BCL2L1: variants seen among roughly 807,000 people sequenced by gnomAD.
BCL2L1 encodes the protein bcl-2-like protein 1.
A neutral mutation model predicts 18.7 loss-of-function variants in BCL2L1; 1 was observed. The observed-to-expected ratio is 0.05, with a 90% CI of 0.02 to 0.25. The LOEUF is 0.25. Ranked by LOEUF, BCL2L1 falls within the 10% of genes least tolerant of loss-of-function variation. BCL2L1 has a pLI of 1.00. For missense variants in BCL2L1, 207 were observed against 304.9 expected, an observed-to-expected ratio of 0.68 and a Z score of 2.39; for synonymous variants, 103 against 122.7, an observed-to-expected ratio of 0.84 and a Z score of 1.06.
chr20:31,690,411 G>T (rs2061043307), intron 2 of BCL2L1, among the ~76,000 whole-genome samples: 2 of 151,846 alleles, frequency 1.3e-5, no homozygotes, highest in Non-Finnish European at 2.9e-5. Context: ...TTATTCTTAT[G>T]ATAATATTTA....
chr20:31,690,573 A>ATTT (rs112840835), intron 2 of BCL2L1, among the ~76,000 whole-genome samples: 1 of 141,754 alleles, frequency 7.1e-6, no homozygotes, highest in African/African-American at 2.6e-5. Flanking sequence ...GTCAGTATGT[A>ATTT]TTTTTTTTTT....
chr20:31,708,825 A>G (rs1014604697), intron 2 of BCL2L1, among the ~76,000 whole-genome samples: 14 of 152,140 alleles, frequency 9.2e-5, no homozygotes, highest in Non-Finnish European at 1.5e-4. Context: ...CTTTGGGCCT[A>G]CCTAGGGTAC....
chr20:31,719,591 A>T (rs117214701), intron 2 of BCL2L1, among the ~76,000 whole-genome samples: 494 of 152,298 alleles, frequency 3.2e-3, no homozygotes, highest in Middle Eastern at 0.024. Flanking sequence ...AGAGGAAGTG[A>T]CATGTGGTAT....
intron 2 of BCL2L1, among the ~76,000 whole-genome samples, chr20:31,691,122 C>T (rs1245862813): frequency 7.7e-5 from 9 of 116,708 alleles, no homozygotes; most frequent in African/African-American, 1.4e-4. Context: ...CATTGCACTC[C>T]AGCCTGGGCA....
At chr20:31,704,932 T>A (rs994882348) in intron 2 of BCL2L1, among the ~76,000 whole-genome samples, 1 of 152,220 alleles carries the variant, frequency 6.6e-6, no homozygotes, top group Non-Finnish European at 1.5e-5. Flanking sequence ...ATTATGTTGG[T>A]CTCTGGGGGT....
rs191114950 is a variant in BCL2L1, at chr20:31,706,019, T to C, written c.564+15636A>G. 7.2e-5 allele frequency among the ~76,000 whole-genome samples: 11 copies of C among 152,218 alleles called. 1 individual carries two copies. The highest frequency in any genetic ancestry group is 7.2e-4 in the Admixed American group (11 of 15,292). On this transcript the variant is annotated intron_variant, in intron 2 of 2. Transcript: ENST00000307677. Reference sequence around the variant, plus strand: ...CTATTTCTGAGTGACTCCCTGGGACTTCCCTGACATGGTAACCCCTAGGGC... The same window carrying C: ...CTATTTCTGAGTGACTCCCTGGGACCTCCCTGACATGGTAACCCCTAGGGC...
intron 2 of BCL2L1, among the ~76,000 whole-genome samples, chr20:31,704,447 G>A (rs897722508): frequency 1.3e-5 from 2 of 152,200 alleles, no homozygotes; most frequent in African/African-American, 4.8e-5. Context: ...TTGGGCAAGA[G>A]TGATTTTCTA....
chr20:31,721,326 A>G (rs2061626068), intron 2 of BCL2L1, among the ~76,000 whole-genome samples: 3 of 152,202 alleles, frequency 2.0e-5, no homozygotes, highest in Admixed American at 2.0e-4. Flanking sequence ...GGTAAGGGAA[A>G]CACCGAACTA....
upstream of BCL2L1, chr20:31,723,726 C>T (rs375249375): frequency 1.0e-5 from 10 of 985,474 alleles, no homozygotes; most frequent in East Asian, 9.1e-4. Flanking sequence ...GGGGAGGCGG[C>T]GCTCTCACCT....
At chr20:31,723,579 G>A, upstream of BCL2L1, 4 of 984,908 alleles carry the variant, frequency 4.1e-6, no homozygotes, top group Non-Finnish European at 4.8e-6. Context: ...CCCTCCCCCG[G>A]GGGCGCCCCC....
At chr20:31,723,892 G>A, upstream of BCL2L1, 1 of 985,420 alleles carries the variant, frequency 1.0e-6, no homozygotes, top group Non-Finnish European at 1.2e-6. Context: ...CGTCTCTCCC[G>A]AACAAGCCGG....
chr20:31,687,140 A>T (rs2060971755), intron 2 of BCL2L1, among the ~76,000 whole-genome samples: 1 of 152,168 alleles, frequency 6.6e-6, no homozygotes, highest in Admixed American at 6.6e-5. Context: ...CAAGACAACA[A>T]GACCTCCATC....
intron 2 of BCL2L1, among the ~76,000 whole-genome samples, chr20:31,712,439 T>A (rs2061468942): frequency 6.6e-6 from 1 of 152,198 alleles, no homozygotes; most frequent in Non-Finnish European, 1.5e-5. Flanking sequence ...CTTTGAACAA[T>A]GGCTGGCATA....
At chr20:31,709,661 G>A (rs1309706008) in intron 2 of BCL2L1, among the ~76,000 whole-genome samples, 3 of 151,518 alleles carry the variant, frequency 2.0e-5, no homozygotes, top group African/African-American at 7.3e-5. Context: ...GTGAAACCCC[G>A]TCTCTACTAA....
At chr20:31,682,123 C>CAGTGACTG (rs1358162914) in intron 2 of BCL2L1, among the ~76,000 whole-genome samples, 6 of 152,220 alleles carry the variant, frequency 3.9e-5, no homozygotes, top group Admixed American at 1.3e-4. Context: ...AGAAGGTGCT[C>CAGTGACTG]AGTGACTGAC....
chr20:31,716,034 C>T (rs1005870057), intron 2 of BCL2L1, among the ~76,000 whole-genome samples: 3 of 152,098 alleles, frequency 2.0e-5, no homozygotes, highest in Non-Finnish European at 4.4e-5. Flanking sequence ...TGGGTTGCTG[C>T]CACTCAAGCC....
intron 2 of BCL2L1, among the ~76,000 whole-genome samples, chr20:31,674,091 C>G (rs1448495713): frequency 6.6e-6 from 1 of 152,156 alleles, no homozygotes; most frequent in Non-Finnish European, 1.5e-5. Context: ...TCACACCATT[C>G]TTTTTCTTTT....
chr20:31,700,846 T>C (rs1251750043), intron 2 of BCL2L1, among the ~76,000 whole-genome samples: 1 of 152,204 alleles, frequency 6.6e-6, no homozygotes, highest in Non-Finnish European at 1.5e-5. Flanking sequence ...ATAAACCTTC[T>C]ACAGAAAAGA....
At chr20:31,671,077 T>G (rs933190857) in intron 2 of BCL2L1, among the ~76,000 whole-genome samples, 7 of 152,050 alleles carry the variant, frequency 4.6e-5, no homozygotes, top group African/African-American at 1.7e-4. Flanking sequence ...CTGCATCCTC[T>G]GCTTGAGTTA....
Sources: allele counts gnomAD v4.1 joint callset (sites outside exome capture counted in the v4.1 genomes callset), GRCh38; gene constraint gnomAD v4.1.1; transcripts MANE v1.5; gene names NCBI Gene and HGNC (gene_info 2026-07-23, HGNC 2026-07-21).